GPC6: variants seen among roughly 807,000 people sequenced by gnomAD.
GPC6 encodes the protein glypican-6.
Under a neutral mutation model 55.2 loss-of-function variants are expected in GPC6, and 14 were observed. The ratio of observed to expected loss-of-function variants is 0.25; its 90% CI spans 0.17 to 0.40. The LOEUF is 0.40. GPC6 is among the 10% of genes least tolerant of loss of function. The pLI is 1.00. For missense variants in GPC6, 641 were observed against 708.5 expected (o/e 0.90, Z 1.08); for synonymous variants, 278 against 259.6 (o/e 1.07, Z -0.68).
At chr13:93,237,484 G>A (rs1215685635) in intron 1 of GPC6, among the ~76,000 whole-genome samples, 1 of 152,060 alleles carries the variant, frequency 6.6e-6, no homozygotes, top group Admixed American at 6.6e-5. Context: ...TTTGTCAGAT[G>A]CATAGTTTGC....
chr13:93,863,172 T>A (rs1329036884), intron 3 of GPC6, among the ~76,000 whole-genome samples: 4 of 151,692 alleles, frequency 2.6e-5, no homozygotes, highest in Non-Finnish European at 5.9e-5. Flanking sequence ...TATTGTAGAC[T>A]CTGGGTCATC....
chr13:93,973,366 C>T (rs1445861527), intron 3 of GPC6, among the ~76,000 whole-genome samples: 3 of 152,132 alleles, frequency 2.0e-5, no homozygotes, highest in Non-Finnish European at 2.9e-5. Context: ...TTGACCAAAA[C>T]GTCCTTAGGC....
At chr13:93,657,654 G>A (rs1880735409) in intron 2 of GPC6, among the ~76,000 whole-genome samples, 1 of 151,914 alleles carries the variant, frequency 6.6e-6, no homozygotes, top group South Asian at 2.1e-4. Context: ...TATCAACAGA[G>A]TAAACAGACA....
At chr13:94,036,079 G>A (rs1372684909) in intron 4 of GPC6, among the ~76,000 whole-genome samples, 1 of 151,974 alleles carries the variant, frequency 6.6e-6, no homozygotes. Flanking sequence ...TGGTTAAATA[G>A]ATCTTTTCCT....
rs116609507 is a variant in GPC6 at position 93,910,942 on chromosome 13, G to A, written c.711+80397G>A. 7.7e-3 allele frequency among the ~76,000 whole-genome samples: 1,178 copies of A among 152,298 alleles called. 14 individuals are homozygous for A. Among genetic ancestry groups the A allele is most frequent in the African/African-American group, 0.026 (1,083 of 41,556 alleles). On this transcript the variant is annotated intron_variant, in intron 3 of 8. Transcript: ENST00000377047. ...GAGAGCAATATATCAATTACCAGCT[G>A]CAGCAATTCAGCACTGTGCTGTATC...
At chr13:94,353,568 G>A (rs1426545919) in intron 6 of GPC6, among the ~76,000 whole-genome samples, 3 of 150,292 alleles carry the variant, frequency 2.0e-5, no homozygotes, top group Non-Finnish European at 3.0e-5. Context: ...AGTCGTGTGC[G>A]AGGAGCATAT....
intron 2 of GPC6, among the ~76,000 whole-genome samples, chr13:93,797,097 T>TTTCATCCGTTTCTGGTATCAACAAAATCA (rs1555332193): frequency 5.3e-5 from 8 of 150,936 alleles, no homozygotes; most frequent in African/African-American, 9.8e-5. Context: ...TTATTTCTGT[T>TTTCATCCGTTTCTGGTATCAACAAAATCA]AATCTGGGCA....
At chr13:94,034,930 A>G (rs1220344634) in intron 4 of GPC6, among the ~76,000 whole-genome samples, 1 of 150,076 alleles carries the variant, frequency 6.7e-6, no homozygotes, top group South Asian at 2.1e-4. Context: ...ATATTAAAAT[A>G]TATATAATAT....
At chr13:94,181,467 T>C (rs1366533510) in intron 4 of GPC6, among the ~76,000 whole-genome samples, 1 of 152,184 alleles carries the variant, frequency 6.6e-6, no homozygotes, top group African/African-American at 2.4e-5. Flanking sequence ...TTTGTGGAGA[T>C]TTTATTTATT....
At chr13:94,401,760 T>C (rs532564739) in intron 8 of GPC6, among the ~76,000 whole-genome samples, 4 of 152,290 alleles carry the variant, frequency 2.6e-5, no homozygotes, top group South Asian at 2.1e-4. Context: ...CTTGATTTTT[T>C]TCAAACACTT....
chr13:94,154,397 T>G (rs1193442147), intron 4 of GPC6: 1 of 152,170 alleles, frequency 6.6e-6, no homozygotes, highest in Non-Finnish European at 1.5e-5. Flanking sequence ...AAGGTTTATA[T>G]CTTCAAGATC....
At chr13:93,428,386 A>G (rs1877230865) in intron 1 of GPC6, among the ~76,000 whole-genome samples, 2 of 152,226 alleles carry the variant, frequency 1.3e-5, no homozygotes, top group African/African-American at 2.4e-5. Flanking sequence ...ACAAACAGCA[A>G]TCCACCTCCT....
intron 2 of GPC6, among the ~76,000 whole-genome samples, chr13:93,805,356 T>C (rs1886512115): frequency 6.6e-6 from 1 of 152,172 alleles, no homozygotes; most frequent in South Asian, 2.1e-4. Flanking sequence ...TCACCCTCTA[T>C]CACCAAGTCA....
intron 2 of GPC6, among the ~76,000 whole-genome samples, chr13:93,762,262 C>T (rs1402298280): frequency 6.6e-6 from 1 of 152,180 alleles, no homozygotes; most frequent in Non-Finnish European, 1.5e-5. Context: ...TATTCTTCCT[C>T]TTTGTCTTTA....
chr13:93,244,253 C>T (rs1876528566), intron 1 of GPC6, among the ~76,000 whole-genome samples: 1 of 152,224 alleles, frequency 6.6e-6, no homozygotes, highest in African/African-American at 2.4e-5. Context: ...CACCCACAGA[C>T]TTCTGCTGGC....
chr13:93,672,095 G>GA (rs1881382620), intron 2 of GPC6, among the ~76,000 whole-genome samples: 1 of 148,924 alleles, frequency 6.7e-6, no homozygotes, highest in Admixed American at 6.7e-5. Flanking sequence ...GAACAACGTA[G>GA]AAAAAAGGGT....
At chr13:93,642,371 A>G (rs1458282218) in intron 2 of GPC6, among the ~76,000 whole-genome samples, 1 of 151,948 alleles carries the variant, frequency 6.6e-6, no homozygotes, top group African/African-American at 2.4e-5. Context: ...TAAGTGTCAC[A>G]TTTTCTTTAT....
intron 1 of GPC6, among the ~76,000 whole-genome samples, chr13:93,444,078 A>T (rs1392237393): frequency 6.6e-6 from 1 of 152,068 alleles, no homozygotes; most frequent in Non-Finnish European, 1.5e-5. Context: ...AATTATCAAC[A>T]TTTATTAGTG....
chr13:93,232,363 A>G (rs1012763323), intron 1 of GPC6, among the ~76,000 whole-genome samples: 2 of 152,174 alleles, frequency 1.3e-5, no homozygotes, highest in Admixed American at 6.5e-5. Context: ...TAATGATTCT[A>G]CAAGTCACTA....
Sources: gnomAD v4.1 joint callset for allele counts (sites outside exome capture counted in the v4.1 genomes callset) on GRCh38, gnomAD v4.1.1 for gene constraint, MANE v1.5 for transcripts, NCBI Gene and HGNC (gene_info 2026-07-23, HGNC 2026-07-21) for gene names.